Variants in LRRC4C observed in about 807,000 individuals in gnomAD.
LRRC4C encodes the protein leucine-rich repeat-containing protein 4C.
In LRRC4C, 5 loss-of-function variants were observed where a neutral mutation model predicts 33.6. That is an observed-to-expected ratio of 0.15 (90% CI 0.08 to 0.31). The LOEUF is 0.31. Ranked by LOEUF, LRRC4C falls within the 10% of genes least tolerant of loss-of-function variation. The pLI, the probability that LRRC4C is intolerant of heterozygous loss-of-function variation, is 1.00. For synonymous variants in LRRC4C, 329 were observed against 302.0 expected (o/e 1.09, Z -0.93); for missense variants, 560 against 796.7 (o/e 0.70, Z 3.58).
intron 4 of LRRC4C, chr11:40,293,301 TC>T (rs1243529170): frequency 6.6e-6 from 1 of 151,614 alleles, no homozygotes; most frequent in Non-Finnish European, 1.5e-5. Context: ...TTTTTTTTTT[TC>T]TTTTTAAGGC....
chr11:40,694,596 T>A (rs1490684759), intron 2 of LRRC4C, among the ~76,000 whole-genome samples: 1 of 152,146 alleles, frequency 6.6e-6, no homozygotes, highest in Non-Finnish European at 1.5e-5. Flanking sequence ...TTTTTCTTTT[T>A]ATTGACTCCC....
At chr11:40,522,077 C>T (rs903858151) in intron 3 of LRRC4C, among the ~76,000 whole-genome samples, 47 of 152,124 alleles carry the variant, frequency 3.1e-4, no homozygotes, top group African/African-American at 9.9e-4. Context: ...GGCTGGAGTG[C>T]GATGGCACAA....
chr11:40,794,940 T>G (rs998606633), intron 2 of LRRC4C, among the ~76,000 whole-genome samples: 3 of 152,166 alleles, frequency 2.0e-5, no homozygotes, highest in Non-Finnish European at 4.4e-5. Context: ...ATTAATTTTC[T>G]CCTAAAATGG....
At chr11:40,651,147 T>C (rs553149337) in intron 2 of LRRC4C, among the ~76,000 whole-genome samples, 1 of 152,334 alleles carries the variant, frequency 6.6e-6, no homozygotes, top group Non-Finnish European at 1.5e-5. Context: ...ATAGCAGAGG[T>C]ATCCCCTTGC....
chr11:41,325,577 T>TTTTTGTGTGTG lies in LRRC4C; in HGVS notation c.-496+133853_-496+133854insCACACACAAAA, dbSNP rs202169756. 7.7e-5 allele frequency among the ~76,000 whole-genome samples: 8 copies of TTTTTGTGTGTG among 104,166 alleles called. 1 individual carries two copies. In the Admixed American group the frequency reaches 8.3e-4, roughly 11 times the overall value. 68.3% of individuals were successfully genotyped at this position (104,166 alleles called of 152,430 possible). On this transcript the variant is annotated intron_variant, in intron 1 of 6. Coordinates refer to ENST00000528697, the MANE Select transcript of LRRC4C (RefSeq NM_001258419.2). Reference sequence around the variant, plus strand: ...TTATTGTCCTTATAGTTTTTTTTTTTTGTGTGTGTGTGTGTGTGTGTGTGT... The same window carrying TTTTTGTGTGTG: ...TTATTGTCCTTATAGTTTTTTTTTTTTTTTGTGTGTGTGTGTGTGTGTGTGTGTGTGTGTGT...
At chr11:40,605,210 C>T (rs1339361287) in intron 3 of LRRC4C, among the ~76,000 whole-genome samples, 3 of 151,868 alleles carry the variant, frequency 2.0e-5, no homozygotes, top group African/African-American at 7.3e-5. Flanking sequence ...GGGGACAAAG[C>T]GATTTTTTTA....
chr11:40,860,777 CTTTTTTTTTTTTTTTTTTTT>C (rs60307580), intron 2 of LRRC4C, among the ~76,000 whole-genome samples: 7 of 43,272 alleles, frequency 1.6e-4, no homozygotes, highest in Admixed American at 3.9e-4. Flanking sequence ...GGCTTAGGAT[CTTTTTTTTTTTTTTTTTTTT>C]TTTTTTTTTT....
intron 6 of LRRC4C, among the ~76,000 whole-genome samples, chr11:40,121,008 C>G (rs1855783184): frequency 6.6e-6 from 1 of 152,042 alleles, no homozygotes; most frequent in South Asian, 2.1e-4. Flanking sequence ...GTTACTGACT[C>G]ATAAGAAGCA....
chr11:41,001,162 G>C (rs186992686), intron 1 of LRRC4C, among the ~76,000 whole-genome samples: 105 of 152,098 alleles, frequency 6.9e-4, no homozygotes, highest in Non-Finnish European at 3.7e-4. Flanking sequence ...TGGTAATATT[G>C]ACACTCTGAG....
At chr11:41,150,335 C>G (rs1216797157) in intron 1 of LRRC4C, among the ~76,000 whole-genome samples, 2 of 152,190 alleles carry the variant, frequency 1.3e-5, no homozygotes, top group Non-Finnish European at 2.9e-5. Flanking sequence ...GAAAGTGAAA[C>G]ATTCATTTCA....
intron 5 of LRRC4C, among the ~76,000 whole-genome samples, chr11:40,192,620 A>G (rs927692027): frequency 5.3e-5 from 8 of 152,016 alleles, no homozygotes; most frequent in Non-Finnish European, 7.4e-5. Flanking sequence ...ACTACCCTGG[A>G]AAGTGGGCTG....
intron 2 of LRRC4C, among the ~76,000 whole-genome samples, chr11:40,847,915 C>G (rs1183453258): frequency 6.6e-6 from 1 of 151,228 alleles, no homozygotes; most frequent in Non-Finnish European, 1.5e-5. Context: ...GGAATTTATC[C>G]CTTTCTATTT....
intron 3 of LRRC4C, among the ~76,000 whole-genome samples, chr11:40,507,191 C>A (rs952549223): frequency 2.0e-5 from 3 of 151,730 alleles, no homozygotes; most frequent in African/African-American, 7.3e-5. Context: ...TTCTTACTAG[C>A]AAAAATTACA....
intron 4 of LRRC4C, among the ~76,000 whole-genome samples, chr11:40,296,640 A>G (rs1944527675): frequency 6.6e-6 from 1 of 152,198 alleles, no homozygotes; most frequent in Middle Eastern, 3.2e-3. Flanking sequence ...TTGTCACTGA[A>G]TGACCTCACC....
At chr11:40,274,196 C>T (rs1271211350) in intron 4 of LRRC4C, among the ~76,000 whole-genome samples, 1 of 151,842 alleles carries the variant, frequency 6.6e-6, no homozygotes, top group African/African-American at 2.4e-5. Flanking sequence ...ATGAATACTT[C>T]TGAGAAATAG....
At chr11:40,997,001 TA>T (rs1854026240) in intron 1 of LRRC4C, among the ~76,000 whole-genome samples, 1 of 151,830 alleles carries the variant, frequency 6.6e-6, no homozygotes, top group African/African-American at 2.4e-5. Context: ...CCAAGTGGGG[TA>T]TAAAGTTCGG....
At chr11:40,808,320 C>G (rs1439376454) in intron 2 of LRRC4C, among the ~76,000 whole-genome samples, 2 of 152,004 alleles carry the variant, frequency 1.3e-5, no homozygotes, top group African/African-American at 4.8e-5. Flanking sequence ...TTCATCAGCA[C>G]TTTCAGAAAT....
chr11:41,088,472 AGC>A (rs1278044690), intron 1 of LRRC4C, among the ~76,000 whole-genome samples: 1 of 152,044 alleles, frequency 6.6e-6, no homozygotes, highest in Non-Finnish European at 1.5e-5. Context: ...TCTTTTCCAT[AGC>A]CATCAACTGT....
chr11:41,184,001 C>T (rs1344533358), intron 1 of LRRC4C, among the ~76,000 whole-genome samples: 3 of 152,174 alleles, frequency 2.0e-5, no homozygotes, highest in Non-Finnish European at 2.9e-5. Context: ...AACTTGGCCC[C>T]TTTTAGCCAT....
Sources: gnomAD v4.1 joint callset for allele counts (sites outside exome capture counted in the v4.1 genomes callset) on GRCh38, gnomAD v4.1.1 for gene constraint, MANE v1.5 for transcripts, NCBI Gene and HGNC (gene_info 2026-07-23, HGNC 2026-07-21) for gene names.